ROR1: variants seen among roughly 807,000 people sequenced by gnomAD.
The protein encoded by ROR1 is ROR family WNT receptor 1, also known as inactive tyrosine-protein kinase transmembrane receptor ROR1.
In ROR1, 19 loss-of-function variants were observed where a neutral mutation model predicts 78.8. The ratio of observed to expected loss-of-function variants is 0.24; its 90% confidence interval spans 0.17 to 0.35. The LOEUF is 0.35. ROR1 is among the 10% of genes least tolerant of loss of function. The pLI, the probability that ROR1 is intolerant of heterozygous loss-of-function variation, is 1.00. For synonymous variants in ROR1, 386 were observed against 433.6 expected, an observed-to-expected ratio of 0.89 and a Z score of 1.36; for missense variants, 917 against 1,177.8, an observed-to-expected ratio of 0.78 and a Z score of 3.24.
chr1:64,051,609 C>A (rs1449030330), intron 4 of ROR1, among the ~76,000 whole-genome samples: 2 of 151,990 alleles, frequency 1.3e-5, no homozygotes, highest in Admixed American at 1.3e-4. Flanking sequence ...TCTAAAGGTC[C>A]AATTTCTTTC....
intron 4 of ROR1, among the ~76,000 whole-genome samples, chr1:64,069,209 A>G (rs1646981576): frequency 6.6e-6 from 1 of 151,982 alleles, no homozygotes; most frequent in African/African-American, 2.4e-5. Flanking sequence ...GTATTTGCTG[A>G]AAAGGGTCTC....
At chr1:64,089,302 C>T (rs1647177122) in intron 4 of ROR1, among the ~76,000 whole-genome samples, 1 of 151,966 alleles carries the variant, frequency 6.6e-6, no homozygotes, top group South Asian at 2.1e-4. Context: ...CTCAACTTCC[C>T]AGGCTCAGAT....
At chr1:63,985,936 G>T (rs1210770105) in intron 1 of ROR1, among the ~76,000 whole-genome samples, 1 of 151,996 alleles carries the variant, frequency 6.6e-6, no homozygotes, top group East Asian at 1.9e-4. Context: ...ACTCAACCTG[G>T]ACTATCCAAG....
intron 1 of ROR1, among the ~76,000 whole-genome samples, chr1:63,973,471 C>T (rs1447644328): frequency 1.3e-5 from 2 of 152,158 alleles, no homozygotes; most frequent in African/African-American, 2.4e-5. Context: ...CCTCAGAAAA[C>T]AGAATCCGTG....
chr1:64,141,092 A>G (rs375412494), intron 6 of ROR1, among the ~76,000 whole-genome samples: 7 of 152,338 alleles, frequency 4.6e-5, no homozygotes, highest in African/African-American at 1.7e-4. Flanking sequence ...GGGTAATATA[A>G]GTGTTCTAGA....
In ROR1 at chr1:63,803,282, T is replaced by C. The variant is rs548353734; in HGVS notation, c.91+28774T>C. On this transcript the variant is annotated intron_variant, in intron 1 of 8. Transcript: ENST00000371079. ...AATCATTAAAAATAAGATTAAATTA[T>C]CTACATTGTATTTAAGAGGGCCGAG... Among the ~76,000 whole-genome samples, 3 of 152,294 alleles carry C rather than the reference T, an allele frequency of 2.0e-5. No homozygotes were observed. In the East Asian group the frequency reaches 5.8e-4, roughly 29 times the overall value.
intron 2 of ROR1, among the ~76,000 whole-genome samples, chr1:64,043,143 T>A (rs1646757905): frequency 6.6e-6 from 1 of 152,236 alleles, no homozygotes; most frequent in Non-Finnish European, 1.5e-5. Flanking sequence ...AAAATGGGAA[T>A]ATAACACTTG....
intron 1 of ROR1, among the ~76,000 whole-genome samples, chr1:63,912,112 T>A (rs1196248590): frequency 2.2e-4 from 23 of 103,238 alleles, no homozygotes; most frequent in African/African-American, 7.4e-4. Flanking sequence ...CAGAGTGAGA[T>A]CCCCATCTTT....
intron 1 of ROR1, among the ~76,000 whole-genome samples, chr1:63,991,331 T>G (rs535949715): frequency 3.3e-5 from 5 of 152,300 alleles, no homozygotes; most frequent in African/African-American, 9.6e-5. Flanking sequence ...GTTTTGTGAC[T>G]TCTACATTAA....
chr1:63,869,390 G>T (rs1366398674), intron 1 of ROR1, among the ~76,000 whole-genome samples: 1 of 152,294 alleles, frequency 6.6e-6, no homozygotes, highest in East Asian at 1.9e-4. Flanking sequence ...CATTGTGACT[G>T]GGCCAACTTT....
intron 1 of ROR1, among the ~76,000 whole-genome samples, chr1:63,989,162 G>GC (rs1646274520): frequency 8.5e-6 from 1 of 117,398 alleles, no homozygotes; most frequent in East Asian, 2.7e-4. Context: ...GTCATTTTCT[G>GC]TTTTTGTTTT....
At chr1:64,061,065 GTCTA>G (rs540115085) in intron 4 of ROR1, among the ~76,000 whole-genome samples, 101 of 152,302 alleles carry the variant, frequency 6.6e-4, no homozygotes, top group African/African-American at 2.2e-3. Context: ...GAGTTTCTCA[GTCTA>G]TCTGTTTCTC....
At chr1:63,928,715 C>T (rs1484290934) in intron 1 of ROR1, among the ~76,000 whole-genome samples, 2 of 152,154 alleles carry the variant, frequency 1.3e-5, no homozygotes, top group Non-Finnish European at 2.9e-5. Flanking sequence ...TCCCTGTTCT[C>T]ATCTGTAAAA....
At chr1:64,079,313 C>T (rs1048896660) in intron 4 of ROR1, among the ~76,000 whole-genome samples, 1 of 152,118 alleles carries the variant, frequency 6.6e-6, no homozygotes, top group Non-Finnish European at 1.5e-5. Context: ...GGATGTTGTG[C>T]TGGAAATTTG....
intron 4 of ROR1, among the ~76,000 whole-genome samples, chr1:64,060,581 A>G (rs1486874997): frequency 6.6e-6 from 1 of 152,162 alleles, no homozygotes; most frequent in African/African-American, 2.4e-5. Context: ...ACCCAAGATA[A>G]ACTCAAGGAT....
chr1:64,127,108 A>G (rs538010593), intron 4 of ROR1, among the ~76,000 whole-genome samples: 51 of 152,330 alleles, frequency 3.3e-4, no homozygotes, highest in African/African-American at 1.2e-3. Flanking sequence ...GAATAATCCA[A>G]TAAAATCGAA....
intron 1 of ROR1, among the ~76,000 whole-genome samples, chr1:63,816,896 T>G (rs542989341): frequency 6.6e-6 from 1 of 152,306 alleles, no homozygotes; most frequent in East Asian, 1.9e-4. Flanking sequence ...GTGGTGATAA[T>G]GACAATAGAA....
chr1:63,913,049 A>G (rs1474480464), intron 1 of ROR1, among the ~76,000 whole-genome samples: 2 of 152,076 alleles, frequency 1.3e-5, no homozygotes, highest in African/African-American at 4.8e-5. Flanking sequence ...TCTCTAGGAA[A>G]AAAAAAAGGC....
chr1:64,040,747 C>T (rs1446498496), intron 2 of ROR1, among the ~76,000 whole-genome samples: 1 of 152,138 alleles, frequency 6.6e-6, no homozygotes, highest in Non-Finnish European at 1.5e-5. Context: ...TAATCCCATT[C>T]GTGAAGGTAC....
Sources: gnomAD v4.1 joint callset for allele counts (sites outside exome capture counted in the v4.1 genomes callset) on GRCh38, gnomAD v4.1.1 for gene constraint, MANE v1.5 for transcripts, NCBI Gene and HGNC (gene_info 2026-07-23, HGNC 2026-07-21) for gene names.